TMEM178B: variants seen among roughly 807,000 people sequenced by gnomAD.
TMEM178B encodes the protein transmembrane protein 178B.
Under a neutral mutation model 31.0 loss-of-function variants are expected in TMEM178B, and 5 were observed. The observed-to-expected ratio is 0.16, with a 90% confidence interval of 0.08 to 0.34. TMEM178B has a LOEUF of 0.34. Among genes scored for constraint, TMEM178B ranks in the 10% least tolerant of loss-of-function variants. TMEM178B has a pLI of 1.00. For missense variants in TMEM178B, 275 were observed against 400.3 expected, an observed-to-expected ratio of 0.69 and a Z score of 2.67; for synonymous variants, 164 against 164.0, an observed-to-expected ratio of 1.00 and a Z score of 0.00.
intron 2 of TMEM178B, among the ~76,000 whole-genome samples, chr7:141,254,714 TTCG>T (rs1232864341): frequency 6.6e-6 from 1 of 152,102 alleles, no homozygotes; most frequent in East Asian, 1.9e-4. Context: ...AGAGCGAGAC[TTCG>T]TCTAAAACAA....
Position 141,472,515 on chromosome 7 carries a change from G to A in TMEM178B, c.*1729G>A, listed in dbSNP as rs1802264810. 1 of 152,150 alleles carries A rather than the reference G, an allele frequency of 6.6e-6. No homozygotes were observed. The highest frequency in any genetic ancestry group is 2.4e-5 in the African/African-American group (1 of 41,428). 9.4% of individuals were successfully genotyped at this position (152,150 alleles called of 1,614,324 possible). On this transcript the variant is annotated 3_prime_UTR_variant, in exon 4 of 4. Coordinates refer to ENST00000565468, the MANE Select transcript of TMEM178B (RefSeq NM_001195278.2). ...TGGAGCCGCTCACAGTCATCTCAGT[G>A]AGCCTGCTGGTGCCCAGCAGCCCTG...
downstream of TMEM178B, among the ~76,000 whole-genome samples, chr7:141,481,657 T>C (rs189423443): frequency 1.3e-5 from 2 of 152,182 alleles, no homozygotes; most frequent in East Asian, 3.9e-4. Flanking sequence ...GTAAAGCATT[T>C]AAAAAGTAAG....
At position 141,470,796 on chromosome 7, in the gene TMEM178B, C is replaced by CCATA; in HGVS notation, c.*19_*22dup. On this transcript the variant is annotated 3_prime_UTR_variant, in exon 4 of 4. Coordinates refer to ENST00000565468, the MANE Select transcript of TMEM178B (RefSeq NM_001195278.2). ...TGGGACAGTGTGCTAAAAAACAAAC[C>CCATA]CATACATACATATATATATATAAAT... is the stretch of plus-strand genomic sequence containing the variant. 1 of 1,392,974 alleles carries CCATA rather than the reference C, an allele frequency of 7.2e-7. No individual in the cohort carries two copies. The highest frequency in any genetic ancestry group is 9.4e-7 in the Non-Finnish European group (1 of 1,068,402). The allele number at this position is 1,392,974 out of a possible 1,614,324, so 86.3% of individuals were successfully genotyped here.
intron 1 of TMEM178B, among the ~76,000 whole-genome samples, chr7:141,154,767 T>C (rs1162692395): frequency 6.6e-6 from 1 of 151,804 alleles, no homozygotes; most frequent in African/African-American, 2.4e-5. Context: ...TCTTGCTCTG[T>C]TGCCCAGGCT....
At chr7:141,382,092 A>T (rs150899145) in intron 2 of TMEM178B, among the ~76,000 whole-genome samples, 96 of 152,200 alleles carry the variant, frequency 6.3e-4, no homozygotes, top group African/African-American at 2.2e-3. Context: ...TATTCTCCAT[A>T]GGGAGAACTG....
At chr7:141,485,217 T>A (rs1802536572), downstream of TMEM178B, among the ~76,000 whole-genome samples, 1 of 152,168 alleles carries the variant, frequency 6.6e-6, no homozygotes, top group South Asian at 2.1e-4. Flanking sequence ...ATCTGAAGGA[T>A]GAGGGAACTG....
intron 3 of TMEM178B, among the ~76,000 whole-genome samples, chr7:141,446,105 T>C (rs1260669542): frequency 6.6e-6 from 1 of 152,128 alleles, no homozygotes; most frequent in Non-Finnish European, 1.5e-5. Context: ...GGAAATAACA[T>C]CCGGGTTTAC....
rs553739496 is a variant in TMEM178B at position 141,288,621 on chromosome 7, C to G, written c.496+75917C>G. Among the ~76,000 whole-genome samples, 3 of 152,284 alleles carry G rather than the reference C, an allele frequency of 2.0e-5. No homozygotes were observed. The East Asian group carries it at 5.8e-4, about 29-fold the overall frequency. On this transcript the variant is annotated intron_variant, in intron 2 of 3. Transcript: ENST00000565468. The stretch of plus-strand genomic sequence containing the variant: ...CCACATTCCTTGACAGTCCCGCTGC[C>G]CTATCATTTGCTCCCACCCACTCTT...
At chr7:141,160,734 T>A (rs868479337) in intron 1 of TMEM178B, among the ~76,000 whole-genome samples, 50 of 152,182 alleles carry the variant, frequency 3.3e-4, no homozygotes, top group African/African-American at 1.1e-3. Flanking sequence ...CCAGCCATGA[T>A]CTCTGGTACA....
chr7:141,465,319 A>C (rs1802131501), intron 3 of TMEM178B, among the ~76,000 whole-genome samples: 1 of 152,020 alleles, frequency 6.6e-6, no homozygotes, highest in Non-Finnish European at 1.5e-5. Flanking sequence ...GACATCTTTT[A>C]ATTAGACATC....
At chr7:141,301,246 C>T (rs939451260) in intron 2 of TMEM178B, among the ~76,000 whole-genome samples, 1 of 152,146 alleles carries the variant, frequency 6.6e-6, no homozygotes, top group African/African-American at 2.4e-5. Flanking sequence ...GCTTCTGTTA[C>T]GTTTATGGGG....
At chr7:141,137,032 G>T (rs1202575216) in intron 1 of TMEM178B, among the ~76,000 whole-genome samples, 4 of 152,142 alleles carry the variant, frequency 2.6e-5, no homozygotes, top group Non-Finnish European at 5.9e-5. Flanking sequence ...AGTTAGAATG[G>T]CTATGATGAA....
chr7:141,474,919 T>G lies in TMEM178B; in HGVS notation c.*4133T>G, dbSNP rs1802334682. On this transcript the variant is annotated 3_prime_UTR_variant, in exon 4 of 4. Coordinates refer to ENST00000565468, the MANE Select transcript of TMEM178B (RefSeq NM_001195278.2). ...GGATTATGTGCTGAGTGTTAAGTGA[T>G]TTTTCAAATATCTGGGGGAAGGAGT... 1 of 152,174 alleles carries G rather than the reference T, an allele frequency of 6.6e-6. No homozygotes were observed. The highest frequency in any genetic ancestry group is 2.4e-5 in the African/African-American group (1 of 41,426). The allele number at this position is 152,174 out of a possible 1,614,324, so 9.4% of individuals were successfully genotyped here.
chr7:141,358,695 T>C (rs1381478714), intron 2 of TMEM178B, among the ~76,000 whole-genome samples: 3 of 152,010 alleles, frequency 2.0e-5, no homozygotes, highest in African/African-American at 7.3e-5. Flanking sequence ...CTACTTCCTT[T>C]CTCAAAGAAT....
At chr7:141,267,412 G>A (rs1366365125) in intron 2 of TMEM178B, among the ~76,000 whole-genome samples, 2 of 152,236 alleles carry the variant, frequency 1.3e-5, no homozygotes, top group Non-Finnish European at 2.9e-5. Context: ...CCAGCCAGTA[G>A]TGGGTTTGGA....
At position 141,171,270 on chromosome 7, in the gene TMEM178B, T is replaced by C. The variant is rs201278121; in HGVS notation, c.383-41321T>C. ...GAGTTGGAGACCAGCCAAGGCAACA[T>C]TGTGAGACCCTGTCTCTGGAAAAAA... On this transcript the variant is annotated intron_variant, in intron 1 of 3. Coordinates refer to ENST00000565468, the MANE Select transcript of TMEM178B (RefSeq NM_001195278.2). The surrounding 1 kb of genome is among the most constrained non-coding windows in gnomAD (Gnocchi z 4.3). Among the ~76,000 whole-genome samples the C allele has an allele frequency of 3.9e-5, 6 of 152,100 alleles. No individual in the cohort carries two copies. The highest frequency in any genetic ancestry group is 1.9e-4 in the East Asian group (1 of 5,200).
At chr7:141,494,065 C>G in the TMEM178B span, among the ~76,000 whole-genome samples, 5 of 152,164 alleles carry the variant, frequency 3.3e-5, no homozygotes, top group African/African-American at 1.2e-4. Context: ...TTCTAACTAA[C>G]ACGATTATTT....
intron 2 of TMEM178B, among the ~76,000 whole-genome samples, chr7:141,296,665 G>A (rs146385447): frequency 1.5e-4 from 23 of 152,272 alleles, no homozygotes; most frequent in East Asian, 1.2e-3. Flanking sequence ...ATTCACACGC[G>A]GTTGTAAGAA....
chr7:141,337,797 G>A (rs1003841724), intron 2 of TMEM178B, among the ~76,000 whole-genome samples: 2 of 152,096 alleles, frequency 1.3e-5, no homozygotes, highest in Admixed American at 6.5e-5. Context: ...AAAAAAAGGT[G>A]GAAAATATTC....
Sources: gnomAD v4.1 joint callset for allele counts (sites outside exome capture counted in the v4.1 genomes callset) on GRCh38, gnomAD v4.1.1 for gene constraint, Gnocchi (gnomAD v3.1) non-coding constraint, MANE v1.5 for transcripts, NCBI Gene and HGNC (gene_info 2026-07-23, HGNC 2026-07-21) for gene names.